PDXDC1: variants seen among roughly 807,000 people sequenced by gnomAD.
PDXDC1 encodes pyridoxal dependent decarboxylase domain containing 1, also known as pyridoxal-dependent decarboxylase domain-containing protein 1.
Under a neutral mutation model 100.1 loss-of-function variants are expected in PDXDC1, and 42 were observed. That is an observed-to-expected ratio of 0.42 (90% CI 0.33 to 0.54). PDXDC1 has a LOEUF of 0.54. Ranked by LOEUF, PDXDC1 falls within the 20% of genes least tolerant of loss-of-function variation. PDXDC1 has a pLI of 0.10. For missense variants in PDXDC1, 636 were observed against 979.2 expected (o/e 0.65, Z 4.68); for synonymous variants, 260 against 371.7 (o/e 0.70, Z 3.46).
At chr16:15,104,910 C>G (rs1470358555) in intron 16 of PDXDC1, among the ~76,000 whole-genome samples, 1 of 152,182 alleles carries the variant, frequency 6.6e-6, no homozygotes, top group Non-Finnish European at 1.5e-5. Flanking sequence ...AGTGTCATAT[C>G]ACCCTTCCAC....
In PDXDC1 at chr16:15,061,937, C is replaced by A. The variant is rs762511981; in HGVS notation, c.1399+31881C>A. ...AAACATCAGAAATCATCAGTAACAT[C>A]ACCAGTGCTGACTGAAAAGCTTTCA... On this transcript the variant is annotated intron_variant, in intron 16 of 16. Coordinates refer to the PDXDC1 transcript ENST00000535621. 11 of 1,584,008 alleles carry A rather than the reference C, an allele frequency of 6.9e-6. No individual in the cohort carries two copies. In the Admixed American group the frequency reaches 1.7e-4, roughly 24 times the overall value.
At chr16:15,000,492 G>A (rs1972909112) in intron 3 of PDXDC1, among the ~76,000 whole-genome samples, 2 of 152,288 alleles carry the variant, frequency 1.3e-5, no homozygotes, top group African/African-American at 4.8e-5. Flanking sequence ...GGGACAATTG[G>A]TTTGGGGACA....
chr16:15,033,285 G>C lies in PDXDC1; in HGVS notation c.1698G>C (p.Glu566Asp). 6.2e-7 allele frequency: 1 copy of C among 1,614,190 alleles called. No homozygotes were observed. The highest frequency in any genetic ancestry group is 8.5e-7 in the Non-Finnish European group (1 of 1,180,028). The change falls in exon 19 of 23, where the codon GAG (glutamate) becomes GAC (aspartate). Residue 566 changes from glutamate (E) to aspartate (D), a missense_variant. This residue lies in a region of PDXDC1 where 452 missense variants were observed against 402.9 expected (regional missense o/e 1.12). Transcript: ENST00000396410. ...GTCTCGTTACCTTTGCAGGCCCTGA[G>C]TATAAGAGCATGAAGAGCTGCCTTT... ...ESDLTFKIGP[E>D]YKSMKSCLYV... is the part of the protein sequence containing the mutation.
chr16:15,005,317 A>AAGAAAAG (rs1555551932), intron 5 of PDXDC1, among the ~76,000 whole-genome samples: 3 of 146,862 alleles, frequency 2.0e-5, no homozygotes, highest in African/African-American at 2.5e-5. Flanking sequence ...AAAAAAAAAA[A>AAGAAAAG]AAAGAAAACT....
chr16:15,144,752 A>G, the PDXDC1 span, among the ~76,000 whole-genome samples: 1 of 152,202 alleles, frequency 6.6e-6, no homozygotes, highest in African/African-American at 2.4e-5. Flanking sequence ...CGGAGGCTGA[A>G]CGAGGGAGAT....
At chr16:15,040,011 C>T (rs146208715), downstream of PDXDC1, 73 of 1,611,972 alleles carry the variant, frequency 4.5e-5, no homozygotes, top group African/African-American at 2.0e-4. Context: ...GCTGCTCCTC[C>T]GGACCCCGAT....
intron 5 of PDXDC1, among the ~76,000 whole-genome samples, chr16:15,005,011 A>C (rs1377671155): frequency 1.3e-5 from 2 of 152,290 alleles, no homozygotes; most frequent in Non-Finnish European, 2.9e-5. Context: ...CAGAACCCAT[A>C]GGTTCAGAGG....
downstream of PDXDC1, among the ~76,000 whole-genome samples, chr16:15,142,444 C>A (rs1252684123): frequency 6.6e-6 from 1 of 152,076 alleles, no homozygotes; most frequent in Non-Finnish European, 1.5e-5. Context: ...CTCGGCCGAG[C>A]TCCCAGGGCC....
chr16:14,991,157 T>G (rs1218211998), intron 1 of PDXDC1, among the ~76,000 whole-genome samples: 1 of 152,294 alleles, frequency 6.6e-6, no homozygotes, highest in Non-Finnish European at 1.5e-5. Context: ...CCTTTCAGTT[T>G]AAGCATCTTG....
intron 16 of PDXDC1, among the ~76,000 whole-genome samples, chr16:15,124,841 T>C (rs1214915014): frequency 6.7e-6 from 1 of 148,680 alleles, no homozygotes; most frequent in Non-Finnish European, 1.5e-5. Flanking sequence ...TTTTATATGC[T>C]GCAGCCATGT....
chr16:15,140,842 C>G (rs556660449), downstream of PDXDC1, among the ~76,000 whole-genome samples: 5 of 152,264 alleles, frequency 3.3e-5, no homozygotes, highest in African/African-American at 1.2e-4. Flanking sequence ...GACTGTGGCT[C>G]CGCAGGTCTG....
At chr16:15,131,874 AG>A (rs1173343177) in intron 16 of PDXDC1, among the ~76,000 whole-genome samples, 1 of 2,510 alleles carries the variant, frequency 4.0e-4, no homozygotes, top group African/African-American at 1.9e-3. Flanking sequence ...AGAGTGGTGG[AG>A]GGGGGAGGGG....
In PDXDC1 at chr16:15,037,990, T is replaced by C. The variant is rs751960085; in HGVS notation, c.*1715T>C. The C allele has an allele frequency of 2.7e-6, 4 of 1,507,274 alleles. No homozygotes were observed. The highest frequency in any genetic ancestry group is 3.7e-6 in the Non-Finnish European group (4 of 1,092,734). 93.4% of individuals were successfully genotyped at this position (1,507,274 alleles called of 1,614,324 possible). A position where few individuals can be genotyped will look rare whatever the true frequency, so the allele number is the denominator to read the frequency against. On this transcript the variant is annotated 3_prime_UTR_variant, in exon 23 of 23. Transcript: ENST00000396410. ...ATTCGTGCCAGCCCCACCAATGGTCTGTCAGGCCAAGAAGGTGCTTTCTTT... is the reference window on the plus strand; with the variant it reads ...ATTCGTGCCAGCCCCACCAATGGTCCGTCAGGCCAAGAAGGTGCTTTCTTT...
chr16:15,004,112 C>A lies in PDXDC1; in HGVS notation c.243-75C>A. ...TAGATTTCGAGTCTGACAGATATTTCTGTGGAATTCTGTGTCTCTAAGTTC... is the reference window on the plus strand; with the variant it reads ...TAGATTTCGAGTCTGACAGATATTTATGTGGAATTCTGTGTCTCTAAGTTC... On this transcript the variant is annotated intron_variant, in intron 4 of 22. Coordinates refer to ENST00000396410, the MANE Select transcript of PDXDC1 (RefSeq NM_015027.4). 2.2e-6 allele frequency: 3 copies of A among 1,350,752 alleles called. No homozygotes were observed. In the South Asian group the frequency reaches 3.8e-5, roughly 17 times the overall value. 83.7% of individuals were successfully genotyped at this position (1,350,752 alleles called of 1,614,324 possible).
At position 15,135,592 on chromosome 16, in the gene PDXDC1, G is replaced by T. The variant is rs918389935; in HGVS notation, c.1400-3287G>T. 6.6e-6 allele frequency: 9 copies of T among 1,371,364 alleles called. No individual in the cohort carries two copies. In the African/African-American group the frequency reaches 1.1e-4, roughly 17 times the overall value. The allele number at this position is 1,371,364 out of a possible 1,614,324, so 84.9% of individuals were successfully genotyped here. ...CCTGGTGGCAAGCTGGGTGTTCTCTGGGCTCATGGGTGTGGACGGGTGAGG... is the reference window on the plus strand; with the variant it reads ...CCTGGTGGCAAGCTGGGTGTTCTCTTGGCTCATGGGTGTGGACGGGTGAGG... On this transcript the variant is annotated intron_variant, in intron 16 of 16. Transcript: ENST00000535621.
At chr16:15,045,712 G>A (rs1254786376) in intron 16 of PDXDC1, 1 of 152,216 alleles carries the variant, frequency 6.6e-6, no homozygotes. Flanking sequence ...GAAGTCCTGC[G>A]ACTGAAAAAT....
chr16:15,045,628 A>G (rs2044027190), intron 16 of PDXDC1: 1 of 152,448 alleles, frequency 6.6e-6, no homozygotes, highest in Non-Finnish European at 1.5e-5. Flanking sequence ...AAAACAAAAC[A>G]AAAAGACTGG....
chr16:15,127,587 A>G (rs2047808244), intron 16 of PDXDC1: 6 of 1,355,844 alleles, frequency 4.4e-6, no homozygotes, highest in South Asian at 1.2e-5. Flanking sequence ...GCCTGGACAC[A>G]TGCCCCGTGC....
At chr16:14,985,617 G>C (rs1237001092) in intron 1 of PDXDC1, among the ~76,000 whole-genome samples, 1 of 152,038 alleles carries the variant, frequency 6.6e-6, no homozygotes, top group Admixed American at 6.6e-5. Flanking sequence ...TAGCTTTTTT[G>C]AAAAGTTGAG....
Sources: gnomAD v4.1 joint callset for allele counts (sites outside exome capture counted in the v4.1 genomes callset) on GRCh38, gnomAD v4.1.1 for gene constraint, gnomAD v4.1.1 regional missense constraint, MANE v1.5 for transcripts, NCBI Gene and HGNC (gene_info 2026-07-23, HGNC 2026-07-21) for gene names.